R3HCC1L: variants seen among roughly 807,000 people sequenced by gnomAD.
R3HCC1L encodes coiled-coil domain-containing protein R3HCC1L.
A neutral mutation model predicts 59.9 loss-of-function variants in R3HCC1L; 51 were observed. That is an observed-to-expected ratio of 0.85 (90% confidence interval 0.68 to 1.07). The LOEUF (loss-of-function observed/expected upper bound fraction) is 1.07, where lower values mean the gene tolerates loss of function less well. Ranked by LOEUF, R3HCC1L falls within the 50% of genes least tolerant of loss-of-function variation. The pLI, the probability that R3HCC1L is intolerant of heterozygous loss-of-function variation, is 0.00. For missense variants in R3HCC1L, 965 were observed against 933.0 expected (o/e 1.03, Z -0.45); for synonymous variants, 322 against 315.2 (o/e 1.02, Z -0.23).
intron 5 of R3HCC1L, among the ~76,000 whole-genome samples, chr10:98,224,374 A>G (rs904023357): frequency 6.6e-6 from 1 of 152,152 alleles, no homozygotes; most frequent in African/African-American, 2.4e-5. Flanking sequence ...AAAAATAAAA[A>G]CTCAATGATG....
rs1274126533 is a variant in R3HCC1L at position 98,208,760 on chromosome 10, A to G, written c.646A>G (p.Ile216Val). 3 of 1,613,986 alleles carry G rather than the reference A, an allele frequency of 1.9e-6. No homozygotes were observed. The highest frequency in any genetic ancestry group is 2.7e-5 in the African/African-American group (2 of 74,926). Reference sequence around the variant, plus strand: ...TGAAACTGATACCAAGGTTTTGGAGATACTATATGAGTTTCCTAGAGTTTT... The same window carrying G: ...TGAAACTGATACCAAGGTTTTGGAGGTACTATATGAGTTTCCTAGAGTTTT... ...RIETDTKVLE[I>V]LYEFPRVFSS... The change falls in exon 5 of 10, where the codon ATA becomes GTA. Residue 216 changes from isoleucine to valine, a missense_variant. Physicochemically the swap from Ile to Val is conservative, Grantham distance 29. Coordinates refer to ENST00000298999, the MANE Select transcript of R3HCC1L (RefSeq NM_001351015.2).
intron 4 of R3HCC1L, among the ~76,000 whole-genome samples, chr10:98,165,655 GTTCT>G (rs1241952127): frequency 1.3e-5 from 2 of 152,236 alleles, no homozygotes; most frequent in Non-Finnish European, 2.9e-5. Flanking sequence ...TTATGGTTCA[GTTCT>G]TTCTTTCAGT....
intron 4 of R3HCC1L, among the ~76,000 whole-genome samples, chr10:98,202,582 G>A (rs759420363): frequency 1.2e-3 from 181 of 152,228 alleles, no homozygotes; most frequent in Non-Finnish European, 1.1e-3. Context: ...GGCCGGGCGC[G>A]GTGGCTCACG....
Position 98,236,219 on chromosome 10 carries a change from A to G in R3HCC1L, c.2269+55A>G, listed in dbSNP as rs911213515. The G allele has an allele frequency of 3.2e-6, 5 of 1,579,868 alleles. No individual in the cohort carries two copies. In the African/African-American group the frequency reaches 4.1e-5, roughly 13 times the overall value. On this transcript the variant is annotated intron_variant, in intron 9 of 9. Coordinates refer to ENST00000298999, the MANE Select transcript of R3HCC1L (RefSeq NM_001351015.2). ...GGCCCTTCAGAACTCACTGTAAGGCATGTGTTTAAAAAAAAATGAATGAAG... is the reference window on the plus strand; with the variant it reads ...GGCCCTTCAGAACTCACTGTAAGGCGTGTGTTTAAAAAAAAATGAATGAAG...
chr10:98,234,548 C>T, intron 7 of R3HCC1L, 32 bp downstream of exon 7: 1 of 1,571,560 alleles, frequency 6.4e-7, no homozygotes, highest in Non-Finnish European at 8.7e-7. Flanking sequence ...ATCTTCCTTT[C>T]TTATTGTTCA....
intron 9 of R3HCC1L, among the ~76,000 whole-genome samples, chr10:98,236,600 G>C (rs1410782109): frequency 6.6e-6 from 1 of 152,216 alleles, no homozygotes; most frequent in African/African-American, 2.4e-5. Flanking sequence ...GCCAGCAACT[G>C]ACGTTGATGA....
intron 1 of R3HCC1L, among the ~76,000 whole-genome samples, chr10:98,151,888 G>GTAAGAAAT (rs1031330786): frequency 2.0e-5 from 3 of 152,180 alleles, no homozygotes; most frequent in Non-Finnish European, 2.9e-5. Context: ...TGTCTGTTGA[G>GTAAGAAAT]TAAGAAATTC....
intron 4 of R3HCC1L, among the ~76,000 whole-genome samples, chr10:98,202,052 C>T (rs1852111926): frequency 1.3e-5 from 2 of 152,058 alleles, no homozygotes; most frequent in South Asian, 4.1e-4. Context: ...AGGCGCATGC[C>T]TCTGGCTGAG....
At position 98,166,284 on chromosome 10, in the gene R3HCC1L, G is replaced by A. The variant is rs189252700; in HGVS notation, c.-15+2887G>A. On this transcript the variant is annotated intron_variant, in intron 4 of 9. Coordinates refer to ENST00000298999, the MANE Select transcript of R3HCC1L (RefSeq NM_001351015.2). ...TGCAACCTGGAAGAGGGCCTGCTCC[G>A]GAACCAGGCCATGCTGGCACCCTGA... Among the ~76,000 whole-genome samples, 396 of 152,310 alleles carry A rather than the reference G, an allele frequency of 2.6e-3. 1 individual carries two copies. The highest frequency in any genetic ancestry group is 6.8e-3 in the Middle Eastern group (2 of 294).
At chr10:98,243,084 C>CT (rs146107628) in intron 9 of R3HCC1L, among the ~76,000 whole-genome samples, 4,815 of 152,286 alleles carry the variant, frequency 0.032, 113 homozygotes, top group Non-Finnish European at 0.041. Flanking sequence ...AGCTTCATAA[C>CT]TAACTTCTTT....
At chr10:98,152,992 T>C (rs1590426364) in intron 1 of R3HCC1L, among the ~76,000 whole-genome samples, 1 of 118,956 alleles carries the variant, frequency 8.4e-6, no homozygotes, top group African/African-American at 3.3e-5. Context: ...GGGAGGGAGG[T>C]GGGGGCCCGC....
intron 1 of R3HCC1L, among the ~76,000 whole-genome samples, chr10:98,151,405 T>C (rs1846143798): frequency 6.6e-6 from 1 of 152,292 alleles, no homozygotes; most frequent in South Asian, 2.1e-4. Flanking sequence ...CTTTGTAGGA[T>C]TGTTGTGAGG....
intron 1 of R3HCC1L, among the ~76,000 whole-genome samples, 174 bp from the exon 2 acceptor site, chr10:98,155,919 A>C (rs1036270714): frequency 6.6e-6 from 1 of 151,814 alleles, no homozygotes; most frequent in Non-Finnish European, 1.5e-5. Context: ...ATATTAAAAT[A>C]TTTGGTTAAG....
At position 98,178,324 on chromosome 10, in the gene R3HCC1L, C is replaced by T. The variant is rs543635659; in HGVS notation, c.-15+14927C>T. 3.9e-5 allele frequency among the ~76,000 whole-genome samples: 6 copies of T among 152,250 alleles called. No homozygotes were observed. In the South Asian group the frequency reaches 1.2e-3, roughly 32 times the overall value. On this transcript the variant is annotated intron_variant, in intron 4 of 9. Transcript: ENST00000298999. ...CAGCACCCTTTATTAAATAGGGAAT[C>T]CTTTCCCCATTTCTTGTTTTTGTCA... is the stretch of plus-strand genomic sequence containing the variant.
intron 5 of R3HCC1L, chr10:98,231,131 C>T (rs1856337547): frequency 2.9e-6 from 1 of 339,100 alleles, no homozygotes; most frequent in South Asian, 2.6e-5. Context: ...GGTCAGTAAG[C>T]TCAATTAAAA....
chr10:98,142,443 G>T (rs1464581713), intron 1 of R3HCC1L, among the ~76,000 whole-genome samples: 2 of 151,950 alleles, frequency 1.3e-5, no homozygotes. Context: ...TTCGAGACCA[G>T]CCCGGCCAAT....
At chr10:98,226,153 AG>A (rs1189856751) in intron 5 of R3HCC1L, among the ~76,000 whole-genome samples, 4 of 152,146 alleles carry the variant, frequency 2.6e-5, no homozygotes, top group African/African-American at 9.7e-5. Flanking sequence ...AACATTTCTC[AG>A]GATTTATATT....
chr10:98,146,807 A>G (rs947602444), intron 1 of R3HCC1L, among the ~76,000 whole-genome samples: 8 of 152,166 alleles, frequency 5.3e-5, no homozygotes, highest in Non-Finnish European at 7.4e-5. Flanking sequence ...GTATCTATTG[A>G]TGGACACTTA....
At chr10:98,139,788 A>G (rs770016333) in intron 1 of R3HCC1L, among the ~76,000 whole-genome samples, 6 of 152,010 alleles carry the variant, frequency 3.9e-5, no homozygotes, top group Non-Finnish European at 8.8e-5. Flanking sequence ...AGCCTTCTGT[A>G]TAGTTTTTCA....
Sources: gnomAD v4.1 joint callset for allele counts (sites outside exome capture counted in the v4.1 genomes callset) on GRCh38, gnomAD v4.1.1 for gene constraint, MANE v1.5 for transcripts, NCBI Gene and HGNC (gene_info 2026-07-23, HGNC 2026-07-21) for gene names.